Variants in RABGAP1L observed in about 807,000 individuals in gnomAD.
The protein encoded by RABGAP1L is rab GTPase-activating protein 1-like.
In RABGAP1L, 63 loss-of-function variants were observed where a neutral mutation model predicts 137.7. The ratio of observed to expected loss-of-function variants is 0.46; its 90% CI spans 0.37 to 0.56. RABGAP1L has a LOEUF of 0.56. RABGAP1L is among the 20% of genes least tolerant of loss of function. The pLI is 0.00. For missense variants in RABGAP1L, 1,095 were observed against 1,244.0 expected (o/e 0.88, Z 1.80); for synonymous variants, 431 against 433.7 (o/e 0.99, Z 0.08).
intron 13 of RABGAP1L, among the ~76,000 whole-genome samples, chr1:174,511,805 A>G (rs1662371405): frequency 6.6e-6 from 1 of 151,996 alleles, no homozygotes; most frequent in Non-Finnish European, 1.5e-5. Context: ...TATTTTTAGT[A>G]GAGACGGGGT....
At chr1:174,807,917 C>T (rs1304329149) in intron 18 of RABGAP1L, among the ~76,000 whole-genome samples, 9 of 150,682 alleles carry the variant, frequency 6.0e-5, no homozygotes, top group Admixed American at 1.3e-4. Flanking sequence ...TGCAACGTAG[C>T]GAGACCCCCA....
chr1:174,701,267 A>G (rs1679626200), intron 16 of RABGAP1L: 1 of 1,214,564 alleles, frequency 8.2e-7, no homozygotes, highest in Non-Finnish European at 1.1e-6. Flanking sequence ...ATCCAATTTT[A>G]TATATTATAC....
At chr1:174,338,472 G>T (rs938096690) in intron 11 of RABGAP1L, among the ~76,000 whole-genome samples, 13 of 151,576 alleles carry the variant, frequency 8.6e-5, no homozygotes, top group Non-Finnish European at 1.6e-4. Context: ...ACCTCCTGTA[G>T]CAATGTTTTT....
At chr1:174,466,366 C>A (rs1365267588) in intron 13 of RABGAP1L, among the ~76,000 whole-genome samples, 1 of 152,130 alleles carries the variant, frequency 6.6e-6, no homozygotes, top group South Asian at 2.1e-4. Context: ...ATTGATTTTT[C>A]TTTATTTAAT....
chr1:174,663,535 A>G (rs564239621), intron 14 of RABGAP1L, among the ~76,000 whole-genome samples: 9 of 152,258 alleles, frequency 5.9e-5, no homozygotes, highest in Admixed American at 5.2e-4. Flanking sequence ...GCCTAATGAC[A>G]TGTTTCTTAG....
At chr1:174,978,669 G>T (rs1475236294) in intron 22 of RABGAP1L, 138 bp from the exon 23 acceptor site, 2 of 1,042,410 alleles carry the variant, frequency 1.9e-6, no homozygotes, top group Non-Finnish European at 2.5e-6. Context: ...TCAAGATGCA[G>T]CTTCCATGAA....
intron 13 of RABGAP1L, among the ~76,000 whole-genome samples, chr1:174,446,983 A>C (rs1310347147): frequency 1.3e-5 from 2 of 152,216 alleles, no homozygotes; most frequent in African/African-American, 4.8e-5. Flanking sequence ...ATTTACATAT[A>C]TATGTGAGAT....
At chr1:174,815,594 C>T (rs1250668416) in intron 19 of RABGAP1L, among the ~76,000 whole-genome samples, 1 of 152,178 alleles carries the variant, frequency 6.6e-6, no homozygotes, top group East Asian at 1.9e-4. Context: ...CTGAAACTGG[C>T]TTTAAAATAG....
At chr1:174,545,884 T>G (rs1308495874) in intron 13 of RABGAP1L, 1 of 152,272 alleles carries the variant, frequency 6.6e-6, no homozygotes, top group African/African-American at 2.4e-5. Flanking sequence ...TATTATTTAA[T>G]AAATATTAGC....
intron 1 of RABGAP1L, among the ~76,000 whole-genome samples, chr1:174,190,742 G>A (rs1434336534): frequency 2.6e-5 from 4 of 152,170 alleles, no homozygotes; most frequent in African/African-American, 7.2e-5. Context: ...TTCACTGACC[G>A]GTACAAGAGG....
At chr1:174,373,265 G>C (rs1685253403) in intron 12 of RABGAP1L, among the ~76,000 whole-genome samples, 1 of 152,166 alleles carries the variant, frequency 6.6e-6, no homozygotes, top group African/African-American at 2.4e-5. Context: ...TCTCAGACCA[G>C]GCTGGGAAAC....
intron 18 of RABGAP1L, among the ~76,000 whole-genome samples, chr1:174,771,430 T>C (rs1686102839): frequency 6.6e-6 from 1 of 152,220 alleles, no homozygotes; most frequent in African/African-American, 2.4e-5. Flanking sequence ...TTTGCATGTT[T>C]GTTGTTTAAG....
intron 18 of RABGAP1L, among the ~76,000 whole-genome samples, chr1:174,766,731 A>G (rs1685699462): frequency 6.6e-6 from 1 of 152,206 alleles, no homozygotes; most frequent in Admixed American, 6.5e-5. Flanking sequence ...CCCCCTGACC[A>G]TTCTTTTACC....
intron 13 of RABGAP1L, among the ~76,000 whole-genome samples, chr1:174,395,521 A>G (rs1299201245): frequency 2.0e-5 from 3 of 152,130 alleles, no homozygotes; most frequent in African/African-American, 7.2e-5. Context: ...CACCTCTGTG[A>G]TTTTTTTCAT....
intron 1 of RABGAP1L, among the ~76,000 whole-genome samples, chr1:174,206,448 A>G (rs1047224069): frequency 6.6e-6 from 1 of 152,106 alleles, no homozygotes; most frequent in African/African-American, 2.4e-5. Flanking sequence ...TGGTTGGCAA[A>G]TGTTGTTCTA....
intron 13 of RABGAP1L, among the ~76,000 whole-genome samples, chr1:174,406,003 A>C (rs1479593840): frequency 6.6e-6 from 1 of 152,110 alleles, no homozygotes; most frequent in Non-Finnish European, 1.5e-5. Context: ...AAAAAGAAAA[A>C]AGAAAGAGAA....
intron 6 of RABGAP1L, among the ~76,000 whole-genome samples, chr1:174,251,897 A>ATTT (rs747467937): frequency 1.4e-5 from 2 of 140,130 alleles, no homozygotes; most frequent in African/African-American, 2.6e-5. Flanking sequence ...TCATGTTGTC[A>ATTT]TTTTTTTTTT....
chr1:174,321,694 C>A (rs1474933666), intron 11 of RABGAP1L, among the ~76,000 whole-genome samples: 1 of 152,172 alleles, frequency 6.6e-6, no homozygotes. Context: ...GTTGAAATTA[C>A]CAAGCTACTT....
intron 11 of RABGAP1L, among the ~76,000 whole-genome samples, chr1:174,345,274 CT>C (rs1682335548): frequency 6.6e-6 from 1 of 152,044 alleles, no homozygotes. Flanking sequence ...TAGTCTGAGT[CT>C]TTTGTGATTC....
Sources: gnomAD v4.1 joint callset for allele counts (sites outside exome capture counted in the v4.1 genomes callset) on GRCh38, gnomAD v4.1.1 for gene constraint, MANE v1.5 for transcripts, NCBI Gene and HGNC (gene_info 2026-07-23, HGNC 2026-07-21) for gene names.